SORCS2: variants seen among roughly 807,000 people sequenced by gnomAD.
SORCS2 encodes sortilin related VPS10 domain containing receptor 2.
SORCS2 carries 100 observed loss-of-function variants against 141.6 expected under a neutral mutation model. The observed-to-expected ratio is 0.71, with a 90% CI of 0.60 to 0.83. The LOEUF is 0.83. Ranked by LOEUF, SORCS2 falls within the 40% of genes least tolerant of loss-of-function variation. The probability of loss-of-function intolerance (pLI) is 0.00; values close to 1 mark genes in which losing one functional copy is unlikely to be tolerated. For synonymous variants in SORCS2, 789 were observed against 676.9 expected, an observed-to-expected ratio of 1.17 and a Z score of -2.57; for missense variants, 1,646 against 1,560.2, an observed-to-expected ratio of 1.05 and a Z score of -0.93.
intron 3 of SORCS2, among the ~76,000 whole-genome samples, chr4:7,577,297 C>G (rs970591984): frequency 5.9e-5 from 9 of 152,208 alleles, no homozygotes; most frequent in African/African-American, 1.9e-4. Context: ...CAGGTGAAGG[C>G]AGGTGGGTAG....
At chr4:7,416,733 C>CAG (rs397826463) in intron 2 of SORCS2, among the ~76,000 whole-genome samples, 5 of 150,718 alleles carry the variant, frequency 3.3e-5, no homozygotes, top group Admixed American at 3.3e-4. Context: ...CAGACACACA[C>CAG]GCATGCACAC....
intron 3 of SORCS2, among the ~76,000 whole-genome samples, chr4:7,534,641 C>G (rs1173364448): frequency 2.0e-5 from 3 of 152,134 alleles, no homozygotes; most frequent in Non-Finnish European, 4.4e-5. Context: ...GCCAGGCCTG[C>G]AGGGGGAGCT....
In SORCS2 at chr4:7,507,661, C is replaced by T. The variant is rs78860651; in HGVS notation, c.549-23869C>T. On this transcript the variant is annotated intron_variant, in intron 2 of 26. Transcript: ENST00000507866. ...CTCAGCACCGTGACACACACACTGA[C>T]GGACAGACGCTGGGAAGGAATCACG... 4.0e-3 allele frequency among the ~76,000 whole-genome samples: 611 copies of T among 152,252 alleles called. 7 individuals are homozygous for T. Among genetic ancestry groups the T allele is most frequent in the African/African-American group, 0.013 (555 of 41,556 alleles).
Position 7,654,193 on chromosome 4 carries a change from A to G in SORCS2, c.873A>G (p.Lys291=). The G allele has an allele frequency of 6.3e-7, 1 of 1,579,344 alleles. No individual in the cohort carries two copies. The highest frequency in any genetic ancestry group is 1.2e-5 in the South Asian group (1 of 86,294). The change falls in exon 5 of 27, where the codon AAA becomes AAG. Residue 291 remains lysine, a synonymous_variant. Coordinates refer to ENST00000507866, the MANE Select transcript of SORCS2 (RefSeq NM_020777.3). ...KWTLLQERVT[K]DHVFWSVSGV... ...CACTTCTGCAAGAGCGAGTGACCAA[A>G]GACCACGTGTTCTGGTGAGAGCACT...
intron 3 of SORCS2, among the ~76,000 whole-genome samples, chr4:7,539,897 C>G (rs1379979748): frequency 6.6e-6 from 1 of 150,974 alleles, no homozygotes; most frequent in Non-Finnish European, 1.5e-5. Context: ...GGGGGCCACG[C>G]CCACTCCCTG....
At chr4:7,539,165 G>A (rs1712368754) in intron 3 of SORCS2, among the ~76,000 whole-genome samples, 2 of 152,194 alleles carry the variant, frequency 1.3e-5, no homozygotes, top group South Asian at 4.1e-4. Context: ...AAGCCTTCCA[G>A]CAGCTCTGTA....
At chr4:7,609,637 TA>T (rs1223602119) in intron 3 of SORCS2, among the ~76,000 whole-genome samples, 10 of 152,226 alleles carry the variant, frequency 6.6e-5, no homozygotes, top group Admixed American at 5.9e-4. Context: ...GCCTGGCACA[TA>T]AATGACCAGA....
chr4:7,498,999 G>A (rs1330360373), intron 2 of SORCS2, among the ~76,000 whole-genome samples: 1 of 152,212 alleles, frequency 6.6e-6, no homozygotes, highest in African/African-American at 2.4e-5. Context: ...GGAAAGGGGG[G>A]CAGGGGGCAG....
At chr4:7,316,564 G>C (rs1376730581) in intron 1 of SORCS2, among the ~76,000 whole-genome samples, 1 of 152,198 alleles carries the variant, frequency 6.6e-6, no homozygotes, top group Non-Finnish European at 1.5e-5. Flanking sequence ...CCCTGGACAA[G>C]TTATCTGACC....
At chr4:7,645,335 A>T (rs1326753026) in intron 4 of SORCS2, among the ~76,000 whole-genome samples, 1 of 152,152 alleles carries the variant, frequency 6.6e-6, no homozygotes, top group Non-Finnish European at 1.5e-5. Context: ...AGTCTGTGAG[A>T]TGGGAATTGC....
At chr4:7,340,489 C>A (rs1170724270) in intron 1 of SORCS2, among the ~76,000 whole-genome samples, 1 of 152,228 alleles carries the variant, frequency 6.6e-6, no homozygotes, top group Non-Finnish European at 1.5e-5. Flanking sequence ...CTGGAAGGTG[C>A]CAGCTTCCTC....
chr4:7,668,305 C>T (rs116165933), intron 8 of SORCS2, among the ~76,000 whole-genome samples: 2,089 of 152,242 alleles, frequency 0.014, 26 homozygotes, highest in Middle Eastern at 0.041. Context: ...TGCTCGAGTG[C>T]TTGTGTGTGT....
chr4:7,413,390 G>GTTTTTTTTTTTTT (rs1725450042), intron 2 of SORCS2, among the ~76,000 whole-genome samples: 13 of 48,918 alleles, frequency 2.7e-4, no homozygotes, highest in Non-Finnish European at 4.5e-4. Context: ...TTTCACAGCT[G>GTTTTTTTTTTTTT]CTTTTTTTTT....
chr4:7,339,613 T>G (rs2108986390), intron 1 of SORCS2, among the ~76,000 whole-genome samples: 1 of 152,318 alleles, frequency 6.6e-6, no homozygotes, highest in Admixed American at 6.5e-5. Context: ...TGGCCATTTT[T>G]GTCAGGACAC....
intron 26 of SORCS2, among the ~76,000 whole-genome samples, chr4:7,739,772 C>T (rs1465038048): frequency 6.6e-6 from 1 of 152,176 alleles, no homozygotes; most frequent in Non-Finnish European, 1.5e-5. Flanking sequence ...CCGGCTCACC[C>T]CTTGGCACTG....
intron 3 of SORCS2, among the ~76,000 whole-genome samples, chr4:7,593,283 G>A (rs1329219608): frequency 6.6e-6 from 1 of 152,198 alleles, no homozygotes; most frequent in Non-Finnish European, 1.5e-5. Flanking sequence ...GGCCAAAGAA[G>A]TAGCTAAGAT....
intron 3 of SORCS2, among the ~76,000 whole-genome samples, chr4:7,537,112 T>C (rs1577714255): frequency 6.6e-6 from 1 of 152,206 alleles, no homozygotes; most frequent in African/African-American, 2.4e-5. Flanking sequence ...CCCGGCCCGC[T>C]TGGCTGGGGG....
At chr4:7,252,328 C>A (rs74702605) in intron 1 of SORCS2, among the ~76,000 whole-genome samples, 5,633 of 152,130 alleles carry the variant, frequency 0.037, 359 homozygotes, top group African/African-American at 0.13. Context: ...CATGCTGGGG[C>A]CAGGTGTGGG....
chr4:7,416,960 C>A (rs983378427), intron 2 of SORCS2, among the ~76,000 whole-genome samples: 5 of 152,098 alleles, frequency 3.3e-5, no homozygotes, highest in African/African-American at 9.7e-5. Flanking sequence ...ACACACACAC[C>A]CACACACCCA....
Sources: allele counts gnomAD v4.1 joint callset (sites outside exome capture counted in the v4.1 genomes callset), GRCh38; gene constraint gnomAD v4.1.1; transcripts MANE v1.5; gene names NCBI Gene and HGNC (gene_info 2026-07-23, HGNC 2026-07-21).